RNF14: variants seen among roughly 807,000 people sequenced by gnomAD.
RNF14 encodes the protein ring finger protein 14.
A neutral mutation model predicts 52.6 loss-of-function variants in RNF14; 26 were observed. That is an observed-to-expected ratio of 0.49 (90% CI 0.36 to 0.69). RNF14 has a LOEUF of 0.69. Among genes scored for constraint, RNF14 ranks in the 30% least tolerant of loss-of-function variants. The pLI, the probability that RNF14 is intolerant of heterozygous loss-of-function variation, is 0.00. For synonymous variants in RNF14, 194 were observed against 202.0 expected, an observed-to-expected ratio of 0.96 and a Z score of 0.34; for missense variants, 404 against 560.4, an observed-to-expected ratio of 0.72 and a Z score of 2.82.
Position 141,978,455 on chromosome 5 carries a change from A to G in RNF14, c.459A>G (p.Lys153=). Residue 153 remains lysine, a synonymous_variant, in exon 5 of 9, where the codon AAA becomes AAG. Transcript: ENST00000394520. ...PFELKIGSQK[K]VQRRTAQASP... ...AGCTCAAGATTGGTTCTCAGAAAAA[A>G]GTGCAGAGAAGGACAGCTCAAGCTT... 2 of 1,614,220 alleles carry G rather than the reference A, an allele frequency of 1.2e-6. No individual in the cohort carries two copies. The highest frequency in any genetic ancestry group is 3.3e-5 in the Admixed American group (2 of 60,022).
Position 141,987,756 on chromosome 5 carries a change from A to G in RNF14, c.1391A>G (p.Asp464Gly). The change falls in exon 9 of 9, where the codon GAC becomes GGC. Residue 464 changes from aspartate (D) to glycine (G), a missense_variant. Physicochemically the swap from Asp to Gly is moderately conservative, Grantham distance 94. Coordinates refer to ENST00000394520, the MANE Select transcript of RNF14 (RefSeq NM_004290.5). ...AGGCTGTTTTATGCTGTGGATGTTG[A>G]CGACGATATTTGGGAAGATGAGGTA... is the stretch of plus-strand genomic sequence containing the variant. ...FNRLFYAVDVDDDIWEDEVED is the reference protein window; with the variant it reads ...FNRLFYAVDVGDDIWEDEVED 6.2e-7 allele frequency: 1 copy of G among 1,613,978 alleles called. No individual in the cohort carries two copies. Among genetic ancestry groups the G allele is most frequent in the Non-Finnish European group, 8.5e-7 (1 of 1,179,998 alleles).
intron 1 of RNF14, among the ~76,000 whole-genome samples, chr5:141,961,218 GTGTGTC>G (rs1400765262): frequency 6.6e-6 from 1 of 152,166 alleles, no homozygotes; most frequent in Non-Finnish European, 1.5e-5. Flanking sequence ...GTGTGTGTGT[GTGTGTC>G]TGTGTTTTGA....
upstream of RNF14, chr5:141,957,938 T>C (rs1753215723): frequency 4.1e-6 from 6 of 1,472,558 alleles, no homozygotes; most frequent in Non-Finnish European, 5.5e-6. The surrounding 1 kb of genome is among the most constrained non-coding windows in gnomAD (Gnocchi z 4.3). Context: ...GATGGCTTGA[T>C]CAGCCCCGTG....
intron 7 of RNF14, among the ~76,000 whole-genome samples, chr5:141,984,006 A>T (rs1186103701): frequency 6.6e-6 from 1 of 152,200 alleles, no homozygotes; most frequent in African/African-American, 2.4e-5. Flanking sequence ...TAAAATCAAA[A>T]TACATCTTAG....
At chr5:141,966,422 AT>A (rs772849320), upstream of RNF14, among the ~76,000 whole-genome samples, 10 of 152,340 alleles carry the variant, frequency 6.6e-5, no homozygotes, top group Non-Finnish European at 1.3e-4. Flanking sequence ...AAAAGGCCTT[AT>A]TAAAAAAACA....
At chr5:141,983,315 T>C in intron 6 of RNF14, 65 bp from the exon 7 acceptor site, 1 of 1,271,288 alleles carries the variant, frequency 7.9e-7, no homozygotes, top group Non-Finnish European at 1.1e-6. Context: ...TTATAGCCAT[T>C]TTTAATGATT....
chr5:141,984,864 G>A lies in RNF14; in HGVS notation c.1298G>A (p.Cys433Tyr). 1.2e-6 allele frequency: 2 copies of A among 1,613,476 alleles called. No individual in the cohort carries two copies. The change falls in exon 8 of 9, where the codon TGC (cysteine) becomes TAC (tyrosine). Residue 433 changes from cysteine (C) to tyrosine (Y), a missense_variant. Cys to Tyr is a radical substitution (Grantham distance 194, BLOSUM62 -2). Transcript: ENST00000394520. The stretch of plus-strand genomic sequence containing the variant: ...TGTATGCAATATTTCTGTTGGATTT[G>A]CATGGGTTCTCTCTCTAGAGCAAAC... ...TGCMQYFCWI[C>Y]MGSLSRANPY... is the part of the protein sequence containing the mutation.
the RNF14 span, among the ~76,000 whole-genome samples, chr5:141,952,018 A>G: frequency 3.9e-5 from 6 of 152,270 alleles, no homozygotes; most frequent in Non-Finnish European, 7.3e-5. Context: ...ATGTAAGACT[A>G]TGTTGTAGAG....
chr5:141,971,280 C>T (rs1004861190), intron 2 of RNF14, among the ~76,000 whole-genome samples: 5 of 152,172 alleles, frequency 3.3e-5, no homozygotes, highest in Admixed American at 6.5e-5. Flanking sequence ...CTTGCTCTGT[C>T]CCCCAGGCTG....
chr5:141,966,986 T>C (rs1454693456), upstream of RNF14: 2 of 152,404 alleles, frequency 1.3e-5, no homozygotes, highest in Non-Finnish European at 2.9e-5. Flanking sequence ...GCTTTGGAGA[T>C]TCTTCTTCCG....
chr5:141,980,350 A>T lies in RNF14; in HGVS notation c.1062A>T (p.Ala354=). 6.2e-7 allele frequency: 1 copy of T among 1,612,514 alleles called. No homozygotes were observed. Among genetic ancestry groups the T allele is most frequent in the Non-Finnish European group, 8.5e-7 (1 of 1,178,988 alleles). Residue 354 remains alanine (A), a splice_region_variant and synonymous_variant, in exon 6 of 9, where the codon GCA becomes GCT. Transcript: ENST00000394520. Reference sequence around the variant, plus strand: ...GGGTCTCCCCATGTAAGGTGACTGCAGGTATGTTTTAACTGTGAACCCAAA... The same window carrying T: ...GGGTCTCCCCATGTAAGGTGACTGCTGGTATGTTTTAACTGTGAACCCAAA... ...YHGVSPCKVT[A]EKLMDLRNEY...
At position 141,978,828 on chromosome 5, in the gene RNF14, C is replaced by G; in HGVS notation, c.832C>G (p.Gln278Glu). ...GTGCCCTTCGGTGGCCACTCCTGGT[C>G]AGGTAACTGTTTACCCTGCTGATGG... is the stretch of plus-strand genomic sequence containing the variant. ...PKCPSVATPGQVKELVEAELF... is the reference protein window; with the variant it reads ...PKCPSVATPGEVKELVEAELF... Residue 278 changes from glutamine to glutamate, a missense_variant and splice_region_variant, in exon 5 of 9, where the codon CAG (glutamine) becomes GAG (glutamate). Coordinates refer to ENST00000394520, the MANE Select transcript of RNF14 (RefSeq NM_004290.5). 1 of 1,612,860 alleles carries G rather than the reference C, an allele frequency of 6.2e-7. No individual in the cohort carries two copies. Among genetic ancestry groups the G allele is most frequent in the Non-Finnish European group, 8.5e-7 (1 of 1,179,012 alleles).
chr5:141,985,641 C>T (rs554588726), intron 8 of RNF14, among the ~76,000 whole-genome samples: 23 of 152,234 alleles, frequency 1.5e-4, no homozygotes, highest in Middle Eastern at 3.4e-3. Flanking sequence ...CTGCAAGCTC[C>T]GCCTCCCGGG....
At chr5:141,956,070 A>G, upstream of RNF14, 1 of 1,614,102 alleles carries the variant, frequency 6.2e-7, no homozygotes, top group East Asian at 2.2e-5. Context: ...AGCCATTGGG[A>G]GTCTCGATGG....
chr5:141,983,359 A>C (rs1235385549), intron 6 of RNF14, 21 bp from the exon 7 acceptor site: 1 of 1,599,900 alleles, frequency 6.3e-7, no homozygotes, highest in Non-Finnish European at 8.5e-7. Flanking sequence ...ATAAAAGTTA[A>C]TTTTCCATTT....
chr5:141,986,545 C>T (rs1169372462), intron 8 of RNF14, among the ~76,000 whole-genome samples: 1 of 152,222 alleles, frequency 6.6e-6, no homozygotes. Context: ...CGCTGAGTAT[C>T]AGTTTTGTGA....
At chr5:141,975,052 A>G in intron 4 of RNF14, 97 bp downstream of exon 4, 2 of 1,291,030 alleles carry the variant, frequency 1.5e-6, no homozygotes, top group Non-Finnish European at 2.2e-6. Flanking sequence ...TCAGTGCATG[A>G]AAAACAAATG....
At chr5:141,964,880 G>A (rs1413354426), upstream of RNF14, among the ~76,000 whole-genome samples, 1 of 151,412 alleles carries the variant, frequency 6.6e-6, no homozygotes, top group African/African-American at 2.4e-5. Flanking sequence ...ACCTGCCTCG[G>A]CCTCCCAAAG....
chr5:141,957,821 G>A, upstream of RNF14: 1 of 1,601,008 alleles, frequency 6.2e-7, no homozygotes, highest in Non-Finnish European at 8.5e-7. The surrounding 1 kb of genome is among the most constrained non-coding windows in gnomAD (Gnocchi z 4.3). Flanking sequence ...GGCCCCAAAA[G>A]CCCCAGCAGA....
Sources: allele counts gnomAD v4.1 joint callset (sites outside exome capture counted in the v4.1 genomes callset), GRCh38; gene constraint gnomAD v4.1.1; non-coding constraint Gnocchi (gnomAD v3.1); transcripts MANE v1.5; gene names NCBI Gene and HGNC (gene_info 2026-07-23, HGNC 2026-07-21).